The following KCTD15 variants were observed in gnomAD, a reference collection of about 807,000 sequenced individuals.
KCTD15 encodes the protein BTB/POZ domain-containing protein KCTD15.
KCTD15 carries 11 observed loss-of-function variants against 27.2 expected under a neutral mutation model. The observed-to-expected ratio is 0.41, with a 90% CI of 0.25 to 0.67. KCTD15 has a LOEUF of 0.67. KCTD15 is among the 30% of genes least tolerant of loss of function. KCTD15 has a pLI of 0.35. For synonymous variants in KCTD15, 163 were observed against 176.0 expected (o/e 0.93, Z 0.58); for missense variants, 350 against 409.3 (o/e 0.86, Z 1.25).
At chr19:33,807,770 A>G (rs1975759913) in intron 5 of KCTD15, among the ~76,000 whole-genome samples, 1 of 152,080 alleles carries the variant, frequency 6.6e-6, no homozygotes, top group African/African-American at 2.4e-5. Context: ...AAAATAAAGT[A>G]TAAAAAGAAA....
chr19:33,812,066 C>T (rs553425734), intron 6 of KCTD15: 63 of 1,380,880 alleles, frequency 4.6e-5, no homozygotes, highest in Non-Finnish European at 5.5e-5. Context: ...AACAGCTCTT[C>T]GCAGACCCAA....
rs1211990767 is a variant in KCTD15 at position 33,813,422 on chromosome 19, T to C, written c.*474T>C. On this transcript the variant is annotated 3_prime_UTR_variant, in exon 7 of 7. Coordinates refer to ENST00000683859, the MANE Select transcript of KCTD15 (RefSeq NM_001129994.2). Reference sequence around the variant, plus strand: ...AGTCAGAGAGGCTGACAAGGACCAATGCTTCTTTATCTGGTGCTCAGTTCT... The same window carrying C: ...AGTCAGAGAGGCTGACAAGGACCAACGCTTCTTTATCTGGTGCTCAGTTCT... The C allele has an allele frequency of 4.4e-6, 2 of 457,804 alleles. No homozygotes were observed. The highest frequency in any genetic ancestry group is 2.0e-5 in the African/African-American group (1 of 50,138). The allele number at this position is 457,804 out of a possible 1,614,324, so 28.4% of individuals were successfully genotyped here.
chr19:33,811,949 C>A, intron 6 of KCTD15: 1 of 1,524,036 alleles, frequency 6.6e-7, no homozygotes, highest in Non-Finnish European at 8.8e-7. Context: ...TCCCTGCTGA[C>A]CTGGGAGTCG....
In KCTD15 at chr19:33,813,254, C is replaced by A; in HGVS notation, c.*306C>A. 1.6e-6 allele frequency: 1 copy of A among 615,974 alleles called. No homozygotes were observed. Among genetic ancestry groups the A allele is most frequent in the Non-Finnish European group, 3.0e-6 (1 of 330,116 alleles). The allele number at this position is 615,974 out of a possible 1,614,324, so 38.2% of individuals were successfully genotyped here. A position where few individuals can be genotyped will look rare whatever the true frequency, so the allele number is the denominator to read the frequency against. Reference sequence around the variant, plus strand: ...TCTGAGGCCCCGGGGCCTGTTGGGGCGGGGTTGGAAGAGCCGTCTGCAGCT... The same window carrying A: ...TCTGAGGCCCCGGGGCCTGTTGGGGAGGGGTTGGAAGAGCCGTCTGCAGCT... On this transcript the variant is annotated 3_prime_UTR_variant, in exon 7 of 7. Transcript: ENST00000683859.
chr19:33,811,314 G>T lies in KCTD15; in HGVS notation c.455G>T (p.Arg152Leu). The change falls in exon 6 of 7, where the codon CGC becomes CTC. Residue 152 changes from arginine to leucine, a missense_variant. This residue lies in a region of KCTD15 where 219 missense variants were observed against 234.9 expected (regional missense o/e 0.93). Transcript: ENST00000683859. The stretch of plus-strand genomic sequence containing the variant: ...CAGCCCATGGTGCGCGAGCTGGAGC[G>T]CTGGCAGCAGGAGCAGGAGCAGCGG... ...QLQPMVRELERWQQEQEQRRR... is the reference protein window; with the variant it reads ...QLQPMVRELELWQQEQEQRRR... The T allele has an allele frequency of 6.4e-7, 1 of 1,550,818 alleles. No individual in the cohort carries two copies. The highest frequency in any genetic ancestry group is 8.7e-7 in the Non-Finnish European group (1 of 1,147,356).
intron 4 of KCTD15, among the ~76,000 whole-genome samples, chr19:33,804,137 T>C (rs989785206): frequency 2.0e-5 from 3 of 152,300 alleles, no homozygotes; most frequent in Middle Eastern, 3.4e-3. Context: ...ATGGTGATTA[T>C]CCTCACCTTT....
chr19:33,806,127 C>T (rs1339758195), intron 4 of KCTD15, among the ~76,000 whole-genome samples: 1 of 152,200 alleles, frequency 6.6e-6, no homozygotes, highest in Non-Finnish European at 1.5e-5. Context: ...TGTGTTGTGG[C>T]ATGTGTGCAA....
chr19:33,797,761 C>T (rs1186348273), intron 1 of KCTD15, among the ~76,000 whole-genome samples: 3 of 152,222 alleles, frequency 2.0e-5, no homozygotes. Context: ...CGCTCCGTAT[C>T]TCAAATGTGC....
rs1223268069 is a variant in KCTD15 at position 33,815,133 on chromosome 19, AGAT to A, written c.*2186_*2188del. The A allele has an allele frequency of 6.6e-6, 1 of 152,194 alleles. No homozygotes were observed. 9.4% of individuals were successfully genotyped at this position (152,194 alleles called of 1,614,324 possible). On this transcript the variant is annotated 3_prime_UTR_variant, in exon 7 of 7. Coordinates refer to ENST00000683859, the MANE Select transcript of KCTD15 (RefSeq NM_001129994.2). ...AGCCAGCATGGTTACCGAGTGGTAG[AGAT>A]TCTCGAACATTCTCAAACTCTCTTT...
chr19:33,812,979 C>T lies in KCTD15; in HGVS notation c.*31C>T. ...GCTTCAGTGCCCACCTGGGCCCCCC[C>T]AGGGACCTGGAAACAGTGCTGGGGA... On this transcript the variant is annotated 3_prime_UTR_variant, in exon 7 of 7. Coordinates refer to ENST00000683859, the MANE Select transcript of KCTD15 (RefSeq NM_001129994.2). The T allele has an allele frequency of 1.3e-6, 2 of 1,522,310 alleles. No homozygotes were observed. The highest frequency in any genetic ancestry group is 1.8e-6 in the Non-Finnish European group (2 of 1,134,960). The allele number at this position is 1,522,310 out of a possible 1,614,324, so 94.3% of individuals were successfully genotyped here.
At chr19:33,802,900 G>A (rs1599674890) in intron 4 of KCTD15, among the ~76,000 whole-genome samples, 1 of 152,230 alleles carries the variant, frequency 6.6e-6, no homozygotes, top group East Asian at 1.9e-4. Context: ...GGGGAGGCGG[G>A]TGGGAGAGGC....
At chr19:33,796,534 G>T (rs979253792), upstream of KCTD15, 1 of 150,868 alleles carries the variant, frequency 6.6e-6, no homozygotes, top group Admixed American at 6.6e-5. Context: ...GGGTAATTTG[G>T]GGCCGGATCG....
chr19:33,798,096 G>GC (rs572760164), intron 1 of KCTD15, among the ~76,000 whole-genome samples: 1,651 of 152,178 alleles, frequency 0.011, 25 homozygotes, highest in African/African-American at 0.034. Context: ...GGGAGGGGGG[G>GC]GGTGGGGAGG....
chr19:33,800,713 A>G (rs1322047294), intron 3 of KCTD15, among the ~76,000 whole-genome samples, 193 bp downstream of exon 3: 3 of 152,296 alleles, frequency 2.0e-5, no homozygotes, highest in Non-Finnish European at 4.4e-5. Context: ...ATAAAACTCA[A>G]CGCCTTAGGT....
intron 4 of KCTD15, among the ~76,000 whole-genome samples, chr19:33,805,991 C>T (rs1456559404): frequency 1.3e-5 from 2 of 152,254 alleles, no homozygotes; most frequent in African/African-American, 4.8e-5. Flanking sequence ...GTACCGGCAC[C>T]TGCCTTCTCT....
chr19:33,812,205 A>T, intron 6 of KCTD15: 3 of 1,092,180 alleles, frequency 2.7e-6, no homozygotes, highest in Non-Finnish European at 3.3e-6. Flanking sequence ...CGCAGTCATC[A>T]GACCTCACCC....
chr19:33,810,214 G>A (rs1975848076), intron 5 of KCTD15, among the ~76,000 whole-genome samples: 1 of 152,146 alleles, frequency 6.6e-6, no homozygotes, highest in Non-Finnish European at 1.5e-5. Flanking sequence ...AGCGCCTGAG[G>A]GACAGTCTGT....
chr19:33,797,279 TGTGTGCGC>T lies in KCTD15; in HGVS notation c.-127+294_-127+301del, dbSNP rs776507511. 1.4e-3 allele frequency: 358 copies of T among 247,166 alleles called. 3 individuals carry two copies. Among genetic ancestry groups the T allele is most frequent in the African/African-American group, 4.9e-3 (108 of 22,200 alleles). The allele number at this position is 247,166 out of a possible 1,614,324, so 15.3% of individuals were successfully genotyped here. A position where few individuals can be genotyped will look rare whatever the true frequency, so the allele number is the denominator to read the frequency against. On this transcript the variant is annotated intron_variant, in intron 1 of 6. Transcript: ENST00000683859. ...GTGTGTGTGTGTGTGTGTGTGTGTG[TGTGTGCGC>T]GCGCGCGCGCGCGCGCTTGTGGAGG...
chr19:33,797,939 C>T (rs78711424), intron 1 of KCTD15, among the ~76,000 whole-genome samples: 6,009 of 152,266 alleles, frequency 0.039, 401 homozygotes, highest in African/African-American at 0.14. Flanking sequence ...ACTTTGTCCC[C>T]GCCCCGCCTC....
Sources: allele counts gnomAD v4.1 joint callset (sites outside exome capture counted in the v4.1 genomes callset), GRCh38; gene constraint gnomAD v4.1.1; regional missense constraint gnomAD v4.1.1; transcripts MANE v1.5; gene names NCBI Gene and HGNC (gene_info 2026-07-23, HGNC 2026-07-21).